Variants in CABLES2 observed in about 807,000 individuals in gnomAD.
CABLES2 encodes CDK5 and ABL1 enzyme substrate 2.
A neutral mutation model predicts 44.8 loss-of-function variants in CABLES2; 35 were observed. The ratio of observed to expected loss-of-function variants is 0.78; its 90% CI spans 0.60 to 1.04. The LOEUF (loss-of-function observed/expected upper bound fraction) is 1.04, where lower values mean the gene tolerates loss of function less well. Ranked by LOEUF, CABLES2 falls within the 50% of genes least tolerant of loss-of-function variation. The probability of loss-of-function intolerance (pLI) is 0.00; values close to 1 mark genes in which losing one functional copy is unlikely to be tolerated. For missense variants in CABLES2, 566 were observed against 615.7 expected (o/e 0.92, Z 0.85); for synonymous variants, 282 against 281.1 (o/e 1.00, Z -0.03).
rs142412688 is a variant in CABLES2 at position 62,389,368 on chromosome 20, C to G, written c.*1603G>C. 174 of 152,370 alleles carry G rather than the reference C, an allele frequency of 1.1e-3. 2 individuals carry two copies. Among genetic ancestry groups the G allele is most frequent in the African/African-American group, 4.0e-3 (165 of 41,574 alleles). 9.4% of individuals were successfully genotyped at this position (152,370 alleles called of 1,614,324 possible). On this transcript the variant is annotated 3_prime_UTR_variant, in exon 10 of 10. Coordinates refer to ENST00000279101, the MANE Select transcript of CABLES2 (RefSeq NM_031215.3). ...AAAGGCTTTGGTTTGTCCTCATCCT[C>G]CAGTCTGTCCCACACACCTGCCATC...
At position 62,390,961 on chromosome 20, in the gene CABLES2, G is replaced by C; in HGVS notation, c.*10C>G. On this transcript the variant is annotated 3_prime_UTR_variant, in exon 10 of 10. Coordinates refer to ENST00000279101, the MANE Select transcript of CABLES2 (RefSeq NM_031215.3). ...CACCTCGGTGCCCTGAGCCTTCTGTGGGGCCTCTGCTAGAACTGCTGGGTG... is the reference window on the plus strand; with the variant it reads ...CACCTCGGTGCCCTGAGCCTTCTGTCGGGCCTCTGCTAGAACTGCTGGGTG... The C allele has an allele frequency of 6.2e-7, 1 of 1,613,848 alleles. No homozygotes were observed. Among genetic ancestry groups the C allele is most frequent in the Non-Finnish European group, 8.5e-7 (1 of 1,179,858 alleles).
intron 1 of CABLES2, among the ~76,000 whole-genome samples, chr20:62,400,902 C>T (rs1601478038): frequency 1.3e-5 from 2 of 152,286 alleles, no homozygotes; most frequent in East Asian, 3.9e-4. Flanking sequence ...TAATTTCCTT[C>T]TCTTTTCTTT....
chr20:62,407,260 G>T lies in CABLES2; in HGVS notation c.17C>A (p.Ala6Asp). Reference protein sequence around the residue: MAAAAAGGAPGPAPGP... With the variant: MAAAADGGAPGPAPGP... ...GGGGGCCGGGCCCGGGGCTCCACCG[G>T]CCGCGGCCGCGGCCATCCTCAGACT... The change falls in exon 1 of 10, where the codon GCC becomes GAC. Residue 6 changes from alanine to aspartate, a missense_variant. Coordinates refer to ENST00000279101, the MANE Select transcript of CABLES2 (RefSeq NM_031215.3). 5.2e-6 allele frequency: 3 copies of T among 574,806 alleles called. No homozygotes were observed. The highest frequency in any genetic ancestry group is 4.4e-6 in the Non-Finnish European group (2 of 458,298). 35.6% of individuals were successfully genotyped at this position (574,806 alleles called of 1,614,324 possible).
In CABLES2 at chr20:62,388,712, T is replaced by C. The variant is rs1454326496; in HGVS notation, c.*2259A>G. On this transcript the variant is annotated 3_prime_UTR_variant, in exon 10 of 10. Coordinates refer to ENST00000279101, the MANE Select transcript of CABLES2 (RefSeq NM_031215.3). Reference sequence around the variant, plus strand: ...CTAAGACAAAATAACTCAAACATTCTGAGGTCTGATACTTGCTTATGCACA... The same window carrying C: ...CTAAGACAAAATAACTCAAACATTCCGAGGTCTGATACTTGCTTATGCACA... 4 of 577,530 alleles carry C rather than the reference T, an allele frequency of 6.9e-6. No individual in the cohort carries two copies. The East Asian group carries it at 8.8e-5, about 13-fold the overall frequency. 35.8% of individuals were successfully genotyped at this position (577,530 alleles called of 1,614,324 possible).
intron 1 of CABLES2, among the ~76,000 whole-genome samples, chr20:62,400,424 G>T (rs1988167572): frequency 6.6e-6 from 1 of 152,174 alleles, no homozygotes; most frequent in Non-Finnish European, 1.5e-5. Flanking sequence ...ATGGGTGACG[G>T]CGGACAGACT....
rs565437317 is a variant in CABLES2 at position 62,406,632 on chromosome 20, C to T, written c.362+283G>A. Among the ~76,000 whole-genome samples, 12 of 151,722 alleles carry T rather than the reference C, an allele frequency of 7.9e-5. No individual in the cohort carries two copies. In the South Asian group the frequency reaches 1.5e-3, roughly 18 times the overall value. ...TCCCAGGTGAACCCAACCCCTGTGT[C>T]CTGGGCTGATGAGGGCCCAGACTGA... On this transcript the variant is annotated intron_variant, in intron 1 of 9. Coordinates refer to ENST00000279101, the MANE Select transcript of CABLES2 (RefSeq NM_031215.3).
At chr20:62,406,736 A>C in intron 1 of CABLES2, among the ~76,000 whole-genome samples, 179 bp downstream of exon 1, 1 of 149,698 alleles carries the variant, frequency 6.7e-6, no homozygotes, top group African/African-American at 2.5e-5. Flanking sequence ...CCCCAGGTGA[A>C]CCCAACCCCT....
rs774215699 is a variant in CABLES2, at chr20:62,391,361, A to G, written c.1184T>C (p.Leu395Pro). 3.1e-6 allele frequency: 5 copies of G among 1,613,352 alleles called. No individual in the cohort carries two copies. Among genetic ancestry groups the G allele is most frequent in the South Asian group, 1.1e-5 (1 of 91,096 alleles). Residue 395 changes from leucine (L) to proline (P), a missense_variant, in exon 9 of 10, where the codon CTG (leucine) becomes CCG (proline). Leu to Pro is a moderately conservative substitution (Grantham distance 98). Around this residue, in one of 2 missense-constraint regions of CABLES2, gnomAD observed 436 missense variants for 536.3 expected, o/e 0.81. Coordinates refer to ENST00000279101, the MANE Select transcript of CABLES2 (RefSeq NM_031215.3). This position sits in a 1 kb window ranked among gnomAD's most constrained non-coding sequence, Gnocchi z 5.7. ...MAYVYFEKLV[L>P]QGKLSKQNRK... Reference sequence around the variant, plus strand: ...GTTCTGTTTGCTGAGCTTGCCCTGCAGGACCAGCTTCTCAAAGTACACGTA... The same window carrying G: ...GTTCTGTTTGCTGAGCTTGCCCTGCGGGACCAGCTTCTCAAAGTACACGTA...
intron 1 of CABLES2, among the ~76,000 whole-genome samples, chr20:62,397,935 G>GCGA (rs1988054982): frequency 1.1e-5 from 1 of 93,354 alleles, no homozygotes; most frequent in East Asian, 2.0e-4. Flanking sequence ...GGTGGTGGTG[G>GCGA]TGATGGTGGT....
At chr20:62,397,736 A>G (rs1315413676) in intron 1 of CABLES2, among the ~76,000 whole-genome samples, 1 of 152,232 alleles carries the variant, frequency 6.6e-6, no homozygotes, top group Non-Finnish European at 1.5e-5. Context: ...ACAGCTTAGG[A>G]GATAAGGTCC....
chr20:62,398,677 C>G (rs1988131975), intron 1 of CABLES2, among the ~76,000 whole-genome samples: 1 of 152,206 alleles, frequency 6.6e-6, no homozygotes, highest in Non-Finnish European at 1.5e-5. Context: ...AGTCCAGGTC[C>G]CCACACCATG....
rs1443127261 is a variant in CABLES2, at chr20:62,406,988, T to C, written c.289A>G (p.Thr97Ala). The C allele has an allele frequency of 1.7e-6, 2 of 1,199,904 alleles. No individual in the cohort carries two copies. The highest frequency in any genetic ancestry group is 6.9e-5 in the East Asian group (2 of 29,024). The allele number at this position is 1,199,904 out of a possible 1,614,324, so 74.3% of individuals were successfully genotyped here. A position where few individuals can be genotyped will look rare whatever the true frequency, so the allele number is the denominator to read the frequency against. ...CTGAGCAGGCCCTGGGGCGCGGGGG[T>C]CCTGGCGGGCAGCCCGGTGGGGGGC... is the stretch of plus-strand genomic sequence containing the variant. The part of the protein sequence containing the change: ...PEPPTGLPAR[T>A]PAPQGLLSPT... The change falls in exon 1 of 10, where the codon ACC becomes GCC. Residue 97 changes from threonine to alanine, a missense_variant. By Grantham distance (58) the Thr-to-Ala change is moderately conservative (BLOSUM62 0). Coordinates refer to ENST00000279101, the MANE Select transcript of CABLES2 (RefSeq NM_031215.3).
At chr20:62,394,854 G>T (rs1478960344) in intron 4 of CABLES2, 83 bp downstream of exon 4, 1 of 1,303,176 alleles carries the variant, frequency 7.7e-7, no homozygotes. Flanking sequence ...AGTGCCCGCT[G>T]ATGCCTCCTG....
In CABLES2 at chr20:62,396,945, C is replaced by T. The variant is rs1207293693; in HGVS notation, c.363-353G>A. 2.6e-5 allele frequency among the ~76,000 whole-genome samples: 4 copies of T among 152,192 alleles called. No homozygotes were observed. The highest frequency in any genetic ancestry group is 9.6e-5 in the African/African-American group (4 of 41,458). On this transcript the variant is annotated intron_variant, in intron 1 of 9. Transcript: ENST00000279101. This position sits in a 1 kb window ranked among gnomAD's most constrained non-coding sequence, Gnocchi z 5.7. Reference sequence around the variant, plus strand: ...CACCCTGCTGGGGGCACCACCAACTCTGACAGGCCCATCCCACCCAGCGCT... The same window carrying T: ...CACCCTGCTGGGGGCACCACCAACTTTGACAGGCCCATCCCACCCAGCGCT...
intron 1 of CABLES2, chr20:62,404,309 G>A (rs879280794): frequency 6.6e-6 from 1 of 152,282 alleles, no homozygotes; most frequent in African/African-American, 2.4e-5. Flanking sequence ...GCTTCTCAGA[G>A]GAGATTGAGG....
intron 1 of CABLES2, chr20:62,405,404 C>A (rs1988262576): frequency 6.6e-6 from 1 of 152,348 alleles, no homozygotes; most frequent in Admixed American, 6.5e-5. Flanking sequence ...CAAATCCATC[C>A]CTCTGCCCCA....
chr20:62,402,896 A>C (rs1988215248), intron 1 of CABLES2: 1 of 152,100 alleles, frequency 6.6e-6, no homozygotes, highest in Non-Finnish European at 1.5e-5. Context: ...AGAGCAAGAA[A>C]CCCCCAAATC....
intron 1 of CABLES2, among the ~76,000 whole-genome samples, chr20:62,397,115 C>T (rs1161145982): frequency 6.6e-6 from 1 of 152,366 alleles, no homozygotes; most frequent in South Asian, 2.1e-4. Context: ...CAGCCACAAC[C>T]TCCCACCTCA....
rs1987849420 is a variant in CABLES2, at chr20:62,388,806, T to C, written c.*2165A>G. On this transcript the variant is annotated 3_prime_UTR_variant, in exon 10 of 10. Coordinates refer to ENST00000279101, the MANE Select transcript of CABLES2 (RefSeq NM_031215.3). ...TGGTTCTGTATAGTCACAGCCGAGC[T>C]GAACACCTTAGCTCCGACACCTGGA... 2.6e-6 allele frequency: 1 copy of C among 382,744 alleles called. No homozygotes were observed. Among genetic ancestry groups the C allele is most frequent in the South Asian group, 2.7e-5 (1 of 37,310 alleles). 23.7% of individuals were successfully genotyped at this position (382,744 alleles called of 1,614,324 possible). A position where few individuals can be genotyped will look rare whatever the true frequency, so the allele number is the denominator to read the frequency against.
Sources: gnomAD v4.1 joint callset for allele counts (sites outside exome capture counted in the v4.1 genomes callset) on GRCh38, gnomAD v4.1.1 for gene constraint, gnomAD v4.1.1 regional missense constraint, Gnocchi (gnomAD v3.1) non-coding constraint, MANE v1.5 for transcripts, NCBI Gene and HGNC (gene_info 2026-07-23, HGNC 2026-07-21) for gene names.